VTI1A: variants seen among roughly 807,000 people sequenced by gnomAD.
The protein encoded by VTI1A is vesicle transport through interaction with t-SNAREs 1A.
In VTI1A, 22 loss-of-function variants were observed where a neutral mutation model predicts 34.9. That is an observed-to-expected ratio of 0.63 (90% confidence interval 0.45 to 0.90). The LOEUF is 0.90. Among genes scored for constraint, VTI1A ranks in the 40% least tolerant of loss-of-function variants. The probability of loss-of-function intolerance (pLI) is 0.00; values close to 1 mark genes in which losing one functional copy is unlikely to be tolerated. For synonymous variants in VTI1A, 87 were observed against 97.3 expected, an observed-to-expected ratio of 0.89 and a Z score of 0.62; for missense variants, 268 against 275.6, an observed-to-expected ratio of 0.97 and a Z score of 0.20.
intron 7 of VTI1A, among the ~76,000 whole-genome samples, chr10:112,766,201 A>G (rs569732766): frequency 6.6e-6 from 1 of 152,336 alleles, no homozygotes; most frequent in East Asian, 1.9e-4. Flanking sequence ...ACATTAGGCA[A>G]TAAAGAAGGC....
At chr10:112,702,284 A>G (rs1849037544) in intron 7 of VTI1A, among the ~76,000 whole-genome samples, 1 of 152,238 alleles carries the variant, frequency 6.6e-6, no homozygotes, top group South Asian at 2.1e-4. Flanking sequence ...CATGGCACCT[A>G]CAGCCTTCTA....
intron 7 of VTI1A, among the ~76,000 whole-genome samples, chr10:112,812,918 C>G (rs188769592): frequency 3.3e-5 from 5 of 152,294 alleles, no homozygotes; most frequent in Admixed American, 2.6e-4. Context: ...ATGCAGACTT[C>G]CTGAGATTTT....
At chr10:112,737,451 AAAT>A (rs1206778458) in intron 7 of VTI1A, 1 of 1,042,682 alleles carries the variant, frequency 9.6e-7, no homozygotes, top group African/African-American at 1.7e-5. Flanking sequence ...AGTTCTAACA[AAAT>A]AATAAGGCTG....
At chr10:112,483,045 T>C (rs147945663) in intron 3 of VTI1A, among the ~76,000 whole-genome samples, 64 of 151,782 alleles carry the variant, frequency 4.2e-4, no homozygotes, top group Admixed American at 1.8e-3. Context: ...GCCTAAGAGA[T>C]GGGGAGGAAA....
chr10:112,719,132 A>T (rs1849706574), intron 7 of VTI1A, among the ~76,000 whole-genome samples: 1 of 152,252 alleles, frequency 6.6e-6, no homozygotes, highest in Admixed American at 6.5e-5. Flanking sequence ...TTTCTCATTC[A>T]AACTTTGTCA....
chr10:112,496,377 C>A (rs1849028202), intron 3 of VTI1A, among the ~76,000 whole-genome samples: 1 of 151,904 alleles, frequency 6.6e-6, no homozygotes, highest in Non-Finnish European at 1.5e-5. Context: ...CAAGACCAGC[C>A]TGGCCAACAT....
At chr10:112,713,463 G>C (rs1370517558) in intron 7 of VTI1A, among the ~76,000 whole-genome samples, 1 of 151,024 alleles carries the variant, frequency 6.6e-6, no homozygotes. Flanking sequence ...CTATAAGGGA[G>C]GCATTATTAT....
intron 7 of VTI1A, among the ~76,000 whole-genome samples, chr10:112,685,949 A>G (rs11196056): frequency 0.19 from 29,360 of 152,098 alleles, 3,148 homozygotes; most frequent in East Asian, 0.44. Context: ...CCACAAAAAA[A>G]CACACTATTT....
At chr10:112,595,320 T>C (rs749067148) in intron 5 of VTI1A, among the ~76,000 whole-genome samples, 1 of 150,158 alleles carries the variant, frequency 6.7e-6, no homozygotes, top group Non-Finnish European at 1.5e-5. Context: ...TGGGATCTAA[T>C]TAAATTAAAG....
chr10:112,696,094 T>TTATATATATATATATATATATA (rs140889088), intron 7 of VTI1A, among the ~76,000 whole-genome samples: 6 of 145,196 alleles, frequency 4.1e-5, no homozygotes, highest in East Asian at 2.0e-4. Flanking sequence ...GAGAGAATGA[T>TTATATATATATATATATATATA]TATATATATA....
At chr10:112,475,366 G>A (rs558634417) in intron 3 of VTI1A, among the ~76,000 whole-genome samples, 1 of 152,332 alleles carries the variant, frequency 6.6e-6, no homozygotes, top group East Asian at 1.9e-4. Flanking sequence ...TCATGTGCAT[G>A]TAAATTCTTT....
chr10:112,825,637 C>T, the VTI1A span: 1 of 152,316 alleles, frequency 6.6e-6, no homozygotes, highest in African/African-American at 2.4e-5. Flanking sequence ...AAGATGGGTT[C>T]AAGTGTTTGT....
intron 3 of VTI1A, among the ~76,000 whole-genome samples, chr10:112,484,123 C>T (rs1411041874): frequency 1.3e-5 from 2 of 152,192 alleles, no homozygotes; most frequent in African/African-American, 4.8e-5. Flanking sequence ...TGTGATGCAG[C>T]AGCAGGTACA....
chr10:112,477,773 C>T (rs1848323322), intron 3 of VTI1A, among the ~76,000 whole-genome samples: 1 of 152,200 alleles, frequency 6.6e-6, no homozygotes, highest in African/African-American at 2.4e-5. Context: ...AATTTTTTAT[C>T]TGATACCTTT....
chr10:112,792,003 C>A (rs530317746), intron 7 of VTI1A, among the ~76,000 whole-genome samples: 1 of 152,250 alleles, frequency 6.6e-6, no homozygotes, highest in African/African-American at 2.4e-5. Context: ...CGGCCAGGCA[C>A]GATGGCTCAC....
rs374133785 is a variant in VTI1A, at chr10:112,754,315, C to G, written c.561-60975C>G. On this transcript the variant is annotated intron_variant, in intron 7 of 7. Transcript: ENST00000393077. ...GCCGCCCCGCTCATTAAAATCCCCC[C>G]CTTTCGATTCAGACTCCCTCTACCA... Among the ~76,000 whole-genome samples the G allele has an allele frequency of 5.6e-4, 85 of 152,252 alleles. 1 individual carries two copies. Among genetic ancestry groups the G allele is most frequent in the Middle Eastern group, 3.4e-3 (1 of 294 alleles).
At chr10:112,714,310 T>G (rs1433633690) in intron 7 of VTI1A, among the ~76,000 whole-genome samples, 2 of 152,204 alleles carry the variant, frequency 1.3e-5, no homozygotes, top group Non-Finnish European at 2.9e-5. Context: ...CCCTCATCAC[T>G]CGATGCCTTT....
At chr10:112,721,325 A>G (rs1027077579) in intron 7 of VTI1A, among the ~76,000 whole-genome samples, 1 of 152,230 alleles carries the variant, frequency 6.6e-6, no homozygotes, top group Non-Finnish European at 1.5e-5. Flanking sequence ...ACAGTTATTT[A>G]GCAACGCTAC....
intron 5 of VTI1A, among the ~76,000 whole-genome samples, chr10:112,558,612 T>G (rs2134321914): frequency 6.6e-6 from 1 of 152,350 alleles, no homozygotes; most frequent in East Asian, 1.9e-4. Context: ...AGACCTGGCC[T>G]GTGCAGCTTT....
Sources: allele counts gnomAD v4.1 joint callset (sites outside exome capture counted in the v4.1 genomes callset), GRCh38; gene constraint gnomAD v4.1.1; transcripts MANE v1.5; gene names NCBI Gene and HGNC (gene_info 2026-07-23, HGNC 2026-07-21).